The following CACNA2D3 variants were observed in gnomAD, a reference collection of about 807,000 sequenced individuals.
CACNA2D3 encodes the protein calcium voltage-gated channel auxiliary subunit alpha2delta 3, also known as voltage-dependent calcium channel subunit alpha-2/delta-3.
CACNA2D3 carries 60 observed loss-of-function variants against 160.6 expected under a neutral mutation model. The observed-to-expected ratio is 0.37, with a 90% CI of 0.30 to 0.46. The LOEUF is 0.46. CACNA2D3 is among the 20% of genes least tolerant of loss of function. CACNA2D3 has a pLI of 1.00. For missense variants in CACNA2D3, 1,205 were observed against 1,365.0 expected (o/e 0.88, Z 1.85); for synonymous variants, 558 against 492.9 (o/e 1.13, Z -1.75).
At chr3:54,445,031 G>A (rs6788672) in intron 4 of CACNA2D3, among the ~76,000 whole-genome samples, 9,040 of 152,272 alleles carry the variant, frequency 0.059, 343 homozygotes, top group East Asian at 0.18. Flanking sequence ...TGATTTAAAT[G>A]TACTGGAGAA....
chr3:54,214,707 A>G (rs1193069292), intron 2 of CACNA2D3, among the ~76,000 whole-genome samples: 2 of 152,162 alleles, frequency 1.3e-5, no homozygotes, highest in Non-Finnish European at 2.9e-5. Context: ...AGGAAGAGGC[A>G]GCTCTGATAT....
At chr3:54,748,403 G>A (rs1455072068) in intron 11 of CACNA2D3, among the ~76,000 whole-genome samples, 1 of 152,092 alleles carries the variant, frequency 6.6e-6, no homozygotes, top group African/African-American at 2.4e-5. Context: ...TGAGTTTTTT[G>A]TTTGTTCCAT....
At position 54,122,677 on chromosome 3, in the gene CACNA2D3, G is replaced by A. The variant is rs930684799; in HGVS notation, c.-37G>A. 16 of 1,065,350 alleles carry A rather than the reference G, an allele frequency of 1.5e-5. No homozygotes were observed. Among genetic ancestry groups the A allele is most frequent in the African/African-American group, 3.4e-5 (2 of 58,532 alleles). 66.0% of individuals were successfully genotyped at this position (1,065,350 alleles called of 1,614,324 possible). ...CGCGCAGCTCCCCGCGGCCGCTCTCGTCGCCGCCGCAGCGGGCGCGTCGGA... is the reference window on the plus strand; with the variant it reads ...CGCGCAGCTCCCCGCGGCCGCTCTCATCGCCGCCGCAGCGGGCGCGTCGGA... On this transcript the variant is annotated 5_prime_UTR_variant, in exon 1 of 38. Transcript: ENST00000474759.
chr3:54,441,848 G>C (rs1700149922), intron 4 of CACNA2D3, among the ~76,000 whole-genome samples: 1 of 152,144 alleles, frequency 6.6e-6, no homozygotes, highest in African/African-American at 2.4e-5. Context: ...TGATATATTT[G>C]ATTGGCATGG....
At chr3:54,513,603 G>C (rs1701493884) in intron 5 of CACNA2D3, among the ~76,000 whole-genome samples, 1 of 152,188 alleles carries the variant, frequency 6.6e-6, no homozygotes, top group African/African-American at 2.4e-5. Flanking sequence ...GCTCCACACT[G>C]CCTCCCTATA....
chr3:54,554,868 C>CTTTTTTTTTTTTTTTTT (rs1248489904), intron 5 of CACNA2D3, among the ~76,000 whole-genome samples: 5 of 88,170 alleles, frequency 5.7e-5, no homozygotes, highest in African/African-American at 2.0e-4. Flanking sequence ...CTCTCTCACT[C>CTTTTTTTTTTTTTTTTT]TCTTTTTTTT....
chr3:54,952,920 A>G (rs1042971760), intron 27 of CACNA2D3, among the ~76,000 whole-genome samples: 1 of 152,198 alleles, frequency 6.6e-6, no homozygotes, highest in African/African-American at 2.4e-5. Flanking sequence ...TCTTCCAGCA[A>G]CAAAGGAGGA....
At chr3:54,545,716 G>C (rs980473014) in intron 5 of CACNA2D3, among the ~76,000 whole-genome samples, 1 of 152,136 alleles carries the variant, frequency 6.6e-6, no homozygotes, top group Non-Finnish European at 1.5e-5. Context: ...TCCCTTAACT[G>C]AATTAGTGAC....
chr3:54,501,917 G>A (rs921985310), intron 4 of CACNA2D3, among the ~76,000 whole-genome samples: 4 of 152,088 alleles, frequency 2.6e-5, no homozygotes, highest in African/African-American at 9.7e-5. Context: ...TAGGTTGATG[G>A]TTCTTTCTTT....
chr3:54,768,607 G>GA (rs1702263678), intron 13 of CACNA2D3, among the ~76,000 whole-genome samples: 2 of 152,138 alleles, frequency 1.3e-5, no homozygotes, highest in African/African-American at 4.8e-5. Context: ...GAAAGTCTCT[G>GA]AAGTCTTTTG....
chr3:54,808,416 G>T (rs775741589), intron 13 of CACNA2D3, among the ~76,000 whole-genome samples: 17 of 152,170 alleles, frequency 1.1e-4, no homozygotes, highest in Middle Eastern at 6.8e-3. Context: ...TTCCCCAGTA[G>T]TTTAGTTCTA....
chr3:54,775,398 T>C (rs1354163439), intron 13 of CACNA2D3, among the ~76,000 whole-genome samples: 1 of 152,192 alleles, frequency 6.6e-6, no homozygotes, highest in East Asian at 1.9e-4. Flanking sequence ...AGAGGTCCTC[T>C]GGTAGGTATT....
At chr3:54,938,872 T>C (rs1575392377) in intron 27 of CACNA2D3, among the ~76,000 whole-genome samples, 1 of 152,014 alleles carries the variant, frequency 6.6e-6, no homozygotes, top group South Asian at 2.1e-4. Context: ...ACAATCCCCA[T>C]TAGTGTGCCA....
chr3:54,778,319 G>A (rs757847739), intron 13 of CACNA2D3, among the ~76,000 whole-genome samples: 197 of 151,906 alleles, frequency 1.3e-3, no homozygotes, highest in Non-Finnish European at 1.3e-3. Context: ...TCCCCATTCC[G>A]TGCCGCCATC....
At chr3:54,661,051 C>G (rs1056139066) in intron 11 of CACNA2D3, among the ~76,000 whole-genome samples, 23 of 151,968 alleles carry the variant, frequency 1.5e-4, no homozygotes, top group Admixed American at 1.4e-3. Flanking sequence ...GCAAAGAGGC[C>G]CATGTGGAAA....
intron 2 of CACNA2D3, among the ~76,000 whole-genome samples, chr3:54,176,877 T>C (rs1261194037): frequency 3.3e-5 from 5 of 152,042 alleles, no homozygotes. Flanking sequence ...GTGTTGGTGG[T>C]GATTATTTCA....
At position 54,646,134 on chromosome 3, in the gene CACNA2D3, C is replaced by T. The variant is rs1188479486; in HGVS notation, c.1167+3893C>T. ...TCCTTCCTTCCTTCCTTTCTTCCTTCCTTCCTTCCTTCCTTCCCTCCCTCC... is the reference window on the plus strand; with the variant it reads ...TCCTTCCTTCCTTCCTTTCTTCCTTTCTTCCTTCCTTCCTTCCCTCCCTCC... On this transcript the variant is annotated intron_variant, in intron 11 of 37. Coordinates refer to ENST00000474759, the MANE Select transcript of CACNA2D3 (RefSeq NM_018398.3). 2.3e-3 allele frequency among the ~76,000 whole-genome samples: 66 copies of T among 28,398 alleles called. 2 individuals carry two copies. The highest frequency in any genetic ancestry group is 8.6e-3 in the Admixed American group (16 of 1,854). 18.6% of individuals were successfully genotyped at this position (28,398 alleles called of 152,430 possible). A position where few individuals can be genotyped will look rare whatever the true frequency, so the allele number is the denominator to read the frequency against.
intron 35 of CACNA2D3, among the ~76,000 whole-genome samples, chr3:55,056,283 C>T (rs1348930057): frequency 1.3e-5 from 2 of 151,994 alleles, no homozygotes; most frequent in East Asian, 3.9e-4. Context: ...CAGACTAGCT[C>T]TTATTAAAAG....
chr3:54,195,915 C>A (rs1335794983), intron 2 of CACNA2D3, among the ~76,000 whole-genome samples: 1 of 152,220 alleles, frequency 6.6e-6, no homozygotes, highest in Admixed American at 6.5e-5. Context: ...AGAACCTAAT[C>A]TAAACACACA....
Sources: allele counts gnomAD v4.1 joint callset (sites outside exome capture counted in the v4.1 genomes callset), GRCh38; gene constraint gnomAD v4.1.1; transcripts MANE v1.5; gene names NCBI Gene and HGNC (gene_info 2026-07-23, HGNC 2026-07-21).